TADA3: variants seen among roughly 807,000 people sequenced by gnomAD.
TADA3 encodes transcriptional adapter 3.
Under a neutral mutation model 43.2 loss-of-function variants are expected in TADA3, and 25 were observed. The ratio of observed to expected loss-of-function variants is 0.58; its 90% CI spans 0.42 to 0.81. TADA3 has a LOEUF of 0.81. TADA3 is among the 30% of genes least tolerant of loss of function. The pLI, the probability that TADA3 is intolerant of heterozygous loss-of-function variation, is 0.00. For missense variants in TADA3, 441 were observed against 567.8 expected, an observed-to-expected ratio of 0.78 and a Z score of 2.27; for synonymous variants, 235 against 225.5, an observed-to-expected ratio of 1.04 and a Z score of -0.38.
chr3:9,780,623 G>C, intron 8 of TADA3, 74 bp from the exon 9 acceptor site: 1 of 1,464,586 alleles, frequency 6.8e-7, no homozygotes, highest in African/African-American at 1.4e-5. Context: ...TCAAGACCGA[G>C]CCTACCCACC....
At position 9,789,946 on chromosome 3, in the gene TADA3, C is replaced by T; in HGVS notation, c.225G>A (p.Gln75=). The change falls in exon 3 of 9, where the codon CAG becomes CAA. Residue 75 remains glutamine (Q), a synonymous_variant. Coordinates refer to ENST00000301964, the MANE Select transcript of TADA3 (RefSeq NM_006354.5). Reference sequence around the variant, plus strand: ...GGAATCGTCTGTCACCTTTCTTATCCTGCCAGTCGGTGAGGATCTGAAATT... The same window carrying T: ...GGAATCGTCTGTCACCTTTCTTATCTTGCCAGTCGGTGAGGATCTGAAATT... ...EAETQILTDW[Q]DKKGDRRFLK... is the part of the protein sequence containing the mutation. The T allele has an allele frequency of 6.2e-7, 1 of 1,601,858 alleles. No individual in the cohort carries two copies. Among genetic ancestry groups the T allele is most frequent in the Non-Finnish European group, 8.5e-7 (1 of 1,174,610 alleles).
Position 9,780,245 on chromosome 3 carries a change from TGCC to T in TADA3, c.*109_*111del. The T allele has an allele frequency of 8.5e-7, 1 of 1,177,100 alleles. No homozygotes were observed. Among genetic ancestry groups the T allele is most frequent in the South Asian group, 1.5e-5 (1 of 66,336 alleles). The allele number at this position is 1,177,100 out of a possible 1,614,324, so 72.9% of individuals were successfully genotyped here. A position where few individuals can be genotyped will look rare whatever the true frequency, so the allele number is the denominator to read the frequency against. On this transcript the variant is annotated 3_prime_UTR_variant, in exon 9 of 9. Coordinates refer to ENST00000301964, the MANE Select transcript of TADA3 (RefSeq NM_006354.5). The stretch of plus-strand genomic sequence containing the variant: ...GGAAGGGCCACGGCCCTCTAGAGAC[TGCC>T]GCCATTTGAGGGACAGCCACAGGCC...
chr3:9,792,814 T>C (rs1217942337), upstream of TADA3: 10 of 1,352,450 alleles, frequency 7.4e-6, no homozygotes, highest in Admixed American at 3.7e-5. Flanking sequence ...GGCTGTACCA[T>C]TGCATACCTG....
In TADA3 at chr3:9,780,326, C is replaced by A; in HGVS notation, c.*31G>T. On this transcript the variant is annotated 3_prime_UTR_variant, in exon 9 of 9. Coordinates refer to ENST00000301964, the MANE Select transcript of TADA3 (RefSeq NM_006354.5). ...TGGGCCTCCCTTCCCCTCCCCTAGGCCAGATAATCAGCCTGAGGCAGGGGT... is the reference window on the plus strand; with the variant it reads ...TGGGCCTCCCTTCCCCTCCCCTAGGACAGATAATCAGCCTGAGGCAGGGGT... 1 of 1,590,646 alleles carries A rather than the reference C, an allele frequency of 6.3e-7. No homozygotes were observed.
rs1017912754 is a variant in TADA3 at position 9,789,601 on chromosome 3, C to T, written c.472G>A (p.Val158Met). The T allele has an allele frequency of 1.9e-6, 3 of 1,614,106 alleles. No homozygotes were observed. The highest frequency in any genetic ancestry group is 1.1e-5 in the South Asian group (1 of 91,082). The part of the protein sequence containing the change: ...NDAPNRFWAS[V>M]EPYCADITSE... ...GTGATGTCAGCACAGTAGGGCTCCACTGAAGCCCAGAACCTGCAGGGAGAA... is the reference window on the plus strand; with the variant it reads ...GTGATGTCAGCACAGTAGGGCTCCATTGAAGCCCAGAACCTGCAGGGAGAA... Residue 158 changes from valine to methionine, a missense_variant, in exon 4 of 9, where the codon GTG (valine) becomes ATG (methionine). Val to Met is a conservative substitution (Grantham distance 21). Transcript: ENST00000301964.
At chr3:9,786,001 C>T (rs1384846344) in intron 6 of TADA3, among the ~76,000 whole-genome samples, 5 of 151,724 alleles carry the variant, frequency 3.3e-5, no homozygotes, top group South Asian at 2.1e-4. Flanking sequence ...TGCAGTGGCA[C>T]AATTTCGGCT....
upstream of TADA3, chr3:9,792,880 C>A (rs935889939): frequency 1.4e-5 from 20 of 1,384,634 alleles, no homozygotes; most frequent in Non-Finnish European, 1.8e-5. Flanking sequence ...GAAGCTGCAC[C>A]CATTCCTGGA....
At chr3:9,788,391 G>A (rs367921564) in intron 4 of TADA3, among the ~76,000 whole-genome samples, 15 of 151,884 alleles carry the variant, frequency 9.9e-5, no homozygotes, top group East Asian at 5.8e-4. Flanking sequence ...GACTACAGGC[G>A]CCCGCCACCA....
At position 9,792,353 on chromosome 3, in the gene TADA3, T is replaced by A; in HGVS notation, c.-165A>T. 2.7e-6 allele frequency: 1 copy of A among 375,162 alleles called. No homozygotes were observed. Among genetic ancestry groups the A allele is most frequent in the South Asian group, 1.1e-4 (1 of 9,024 alleles). The allele number at this position is 375,162 out of a possible 1,614,324, so 23.2% of individuals were successfully genotyped here. A position where few individuals can be genotyped will look rare whatever the true frequency, so the allele number is the denominator to read the frequency against. On this transcript the variant is annotated 5_prime_UTR_variant, in exon 1 of 9. Transcript: ENST00000301964. ...TGTCCCGCCTTCAGAGTCCTCGTTC[T>A]CTAGGGACACCCTAGTGCGACCCCC...
chr3:9,793,002 C>A, upstream of TADA3: 1 of 1,510,016 alleles, frequency 6.6e-7, no homozygotes, highest in Non-Finnish European at 8.8e-7. Flanking sequence ...CCGCTCGGAG[C>A]ATAGATGGTA....
intron 7 of TADA3, 31 bp from the exon 8 acceptor site, chr3:9,784,244 A>C: frequency 6.3e-7 from 1 of 1,588,282 alleles, no homozygotes; most frequent in Non-Finnish European, 8.6e-7. Flanking sequence ...GTCAGACTCA[A>C]GAGCCAGCTT....
rs971105899 is a variant in TADA3 at position 9,783,058 on chromosome 3, C to G, written c.1106+970G>C. The G allele has an allele frequency of 3.9e-5, 6 of 152,180 alleles. No homozygotes were observed. In the South Asian group the frequency reaches 8.3e-4, roughly 21 times the overall value. 9.4% of individuals were successfully genotyped at this position (152,180 alleles called of 1,614,324 possible). On this transcript the variant is annotated intron_variant, in intron 8 of 8. Transcript: ENST00000301964. Reference sequence around the variant, plus strand: ...TCCCAAAAGAACATGTCCTAAAACACTGGTCAATTTCTTGTGATGAGCAAA... The same window carrying G: ...TCCCAAAAGAACATGTCCTAAAACAGTGGTCAATTTCTTGTGATGAGCAAA...
chr3:9,781,143 G>A (rs1439073782), intron 8 of TADA3, among the ~76,000 whole-genome samples: 1 of 151,942 alleles, frequency 6.6e-6, no homozygotes, highest in East Asian at 1.9e-4. Context: ...AAAAAAAAAG[G>A]TCTTAAAAAT....
At chr3:9,790,340 T>G (rs890930012) in intron 2 of TADA3, among the ~76,000 whole-genome samples, 1 of 152,190 alleles carries the variant, frequency 6.6e-6, no homozygotes. Context: ...AAATACAACT[T>G]GAGTCATAGC....
Position 9,783,943 on chromosome 3 carries a change from C to G in TADA3, c.1106+85G>C. ...TAGAGGCCAGCCAGGATTGGAAAGC[C>G]TGTTGTAAAACCCCTGAAAGGTGAC... On this transcript the variant is annotated intron_variant, in intron 8 of 8. Coordinates refer to ENST00000301964, the MANE Select transcript of TADA3 (RefSeq NM_006354.5). 4.8e-6 allele frequency: 7 copies of G among 1,469,150 alleles called. No individual in the cohort carries two copies. The South Asian group carries it at 6.9e-5, about 14-fold the overall frequency. 91.0% of individuals were successfully genotyped at this position (1,469,150 alleles called of 1,614,324 possible). A position where few individuals can be genotyped will look rare whatever the true frequency, so the allele number is the denominator to read the frequency against.
intron 8 of TADA3, among the ~76,000 whole-genome samples, chr3:9,782,587 C>T (rs1467619964): frequency 6.6e-6 from 1 of 152,210 alleles, no homozygotes; most frequent in Non-Finnish European, 1.5e-5. Flanking sequence ...CTTGCTCTGC[C>T]TCTCTTGCTG....
chr3:9,788,065 C>T (rs2078656569), intron 4 of TADA3: 1 of 256,148 alleles, frequency 3.9e-6, no homozygotes, highest in Non-Finnish European at 7.8e-6. Flanking sequence ...GACTGGGATG[C>T]GTGGACTTGA....
At chr3:9,785,855 C>G (rs1174534586) in intron 6 of TADA3, among the ~76,000 whole-genome samples, 1 of 152,168 alleles carries the variant, frequency 6.6e-6, no homozygotes, top group African/African-American at 2.4e-5. Flanking sequence ...CAAGTTCTCT[C>G]CAGGGGAAAG....
intron 6 of TADA3, among the ~76,000 whole-genome samples, chr3:9,786,070 T>C (rs1227760220): frequency 3.9e-5 from 6 of 151,940 alleles, no homozygotes; most frequent in Non-Finnish European, 7.4e-5. Flanking sequence ...TCCCAAGTAG[T>C]TGGGACTACA....
Sources: allele counts gnomAD v4.1 joint callset (sites outside exome capture counted in the v4.1 genomes callset), GRCh38; gene constraint gnomAD v4.1.1; transcripts MANE v1.5; gene names NCBI Gene and HGNC (gene_info 2026-07-23, HGNC 2026-07-21).